The following ZC3H6 variants were observed in gnomAD, a reference collection of about 807,000 sequenced individuals.
The protein encoded by ZC3H6 is zinc finger CCCH domain-containing protein 6.
ZC3H6 carries 40 observed loss-of-function variants against 107.7 expected under a neutral mutation model. The observed-to-expected ratio is 0.37, with a 90% CI of 0.29 to 0.48. The LOEUF (loss-of-function observed/expected upper bound fraction) is 0.48. Among genes scored for constraint, ZC3H6 ranks in the 20% least tolerant of loss-of-function variants. The pLI is 0.98. For synonymous variants in ZC3H6, 493 were observed against 487.9 expected (o/e 1.01, Z -0.14); for missense variants, 1,267 against 1,410.4 (o/e 0.90, Z 1.63).
At chr2:112,282,207 A>G (rs1290397980) in intron 1 of ZC3H6, among the ~76,000 whole-genome samples, 1 of 152,196 alleles carries the variant, frequency 6.6e-6, no homozygotes, top group Non-Finnish European at 1.5e-5. Flanking sequence ...GGCTACCAAA[A>G]AGAACCTCAC....
intron 1 of ZC3H6, among the ~76,000 whole-genome samples, chr2:112,297,075 T>C (rs961066480): frequency 6.6e-6 from 1 of 152,182 alleles, no homozygotes; most frequent in African/African-American, 2.4e-5. Flanking sequence ...TTTTAAGGCT[T>C]GTAGACTTGA....
rs1034340205 is a variant in ZC3H6 at position 112,332,750 on chromosome 2, A to T, written c.*262A>T. 6 of 266,906 alleles carry T rather than the reference A, an allele frequency of 2.2e-5. No homozygotes were observed. Among genetic ancestry groups the T allele is most frequent in the African/African-American group, 1.3e-4 (6 of 44,940 alleles). The allele number at this position is 266,906 out of a possible 1,614,324, so 16.5% of individuals were successfully genotyped here. On this transcript the variant is annotated 3_prime_UTR_variant, in exon 12 of 12. Coordinates refer to ENST00000409871, the MANE Select transcript of ZC3H6 (RefSeq NM_198581.3). Reference sequence around the variant, plus strand: ...GTACTTTTATTGTAAATAAACAATCATGAACTCAACACTCTGCCTGAATAT... The same window carrying T: ...GTACTTTTATTGTAAATAAACAATCTTGAACTCAACACTCTGCCTGAATAT...
intron 1 of ZC3H6, among the ~76,000 whole-genome samples, chr2:112,295,490 T>G (rs758271241): frequency 1.3e-5 from 2 of 152,134 alleles, no homozygotes; most frequent in Non-Finnish European, 2.9e-5. Context: ...AGGTGTTCAA[T>G]TAAGAAAGCT....
Position 112,333,993 on chromosome 2 carries a change from G to A in ZC3H6, c.*1505G>A, listed in dbSNP as rs1273950946. The stretch of plus-strand genomic sequence containing the variant: ...TTGCTGCAGTTCTGTGCTAAAATGG[G>A]GTTGTGGTTAAGTGAACGAGAACTC... On this transcript the variant is annotated 3_prime_UTR_variant, in exon 12 of 12. Transcript: ENST00000409871. 1 of 152,010 alleles carries A rather than the reference G, an allele frequency of 6.6e-6. No individual in the cohort carries two copies. Among genetic ancestry groups the A allele is most frequent in the Non-Finnish European group, 1.5e-5 (1 of 67,970 alleles). 9.4% of individuals were successfully genotyped at this position (152,010 alleles called of 1,614,324 possible).
rs748821035 is a variant in ZC3H6, at chr2:112,324,348, C to T, written c.1537C>T (p.Pro513Ser). ...TGCAGGACCTCCTGGTCTACCAGTGCCACAGAGCCCACCTTTACCACCTGG... is the reference window on the plus strand; with the variant it reads ...TGCAGGACCTCCTGGTCTACCAGTGTCACAGAGCCCACCTTTACCACCTGG... ...PCAGPPGLPV[P>S]QSPPLPPGPP... Residue 513 changes from proline to serine, a missense_variant, in exon 10 of 12, where the codon CCA (proline) becomes TCA (serine). Pro to Ser is a moderately conservative substitution (Grantham distance 74). Coordinates refer to ENST00000409871, the MANE Select transcript of ZC3H6 (RefSeq NM_198581.3). 6.2e-7 allele frequency: 1 copy of T among 1,613,976 alleles called. No homozygotes were observed.
intron 1 of ZC3H6, among the ~76,000 whole-genome samples, chr2:112,299,613 A>C (rs1403871034): frequency 6.6e-6 from 1 of 152,216 alleles, no homozygotes; most frequent in African/African-American, 2.4e-5. Context: ...TCGGCTGCTG[A>C]TAATGGTTCT....
At chr2:112,316,221 T>C (rs1420033860) in intron 5 of ZC3H6, among the ~76,000 whole-genome samples, 6 of 151,766 alleles carry the variant, frequency 4.0e-5, no homozygotes, top group Non-Finnish European at 8.8e-5. Context: ...AAACTTTTTA[T>C]AATTTTATTT....
At chr2:112,298,996 G>A (rs568268650) in intron 1 of ZC3H6, among the ~76,000 whole-genome samples, 17 of 152,160 alleles carry the variant, frequency 1.1e-4, no homozygotes, top group South Asian at 2.1e-4. Flanking sequence ...TAATTTGGCC[G>A]GGTGTGGTGG....
Position 112,332,017 on chromosome 2 carries a change from C to T in ZC3H6, c.3099C>T (p.Gly1033=). 6.2e-7 allele frequency: 1 copy of T among 1,614,012 alleles called. No homozygotes were observed. The highest frequency in any genetic ancestry group is 8.5e-7 in the Non-Finnish European group (1 of 1,179,892). ...PYAPKLSSSA[G]LPLGTSTSVL... ...CCCCTAAACTCTCTTCCTCAGCTGG[C>T]CTTCCACTGGGAACTTCCACTTCAG... The change falls in exon 12 of 12, where the codon GGC becomes GGT. Residue 1033 remains glycine (G), a synonymous_variant. Coordinates refer to ENST00000409871, the MANE Select transcript of ZC3H6 (RefSeq NM_198581.3).
chr2:112,278,339 A>G (rs1686465998), intron 1 of ZC3H6, among the ~76,000 whole-genome samples: 1 of 152,186 alleles, frequency 6.6e-6, no homozygotes, highest in Admixed American at 6.5e-5. Flanking sequence ...TTTTTTTGAG[A>G]CGGAGTCTCG....
In ZC3H6 at chr2:112,300,633, T is replaced by C. The variant is rs188278224; in HGVS notation, c.213+604T>C. On this transcript the variant is annotated intron_variant, in intron 2 of 11. Coordinates refer to ENST00000409871, the MANE Select transcript of ZC3H6 (RefSeq NM_198581.3). ...CAGATACAGATTAGCAGCATTGGCA[T>C]TGTCCATCTATTTATTATTCATTTA... 4.5e-4 allele frequency among the ~76,000 whole-genome samples: 69 copies of C among 152,356 alleles called. No homozygotes were observed. In the East Asian group the frequency reaches 6.2e-3, roughly 14 times the overall value.
Position 112,332,015 on chromosome 2 carries a change from G to A in ZC3H6, c.3097G>A (p.Gly1033Ser). The change falls in exon 12 of 12, where the codon GGC becomes AGC. Residue 1033 changes from glycine (G) to serine (S), a missense_variant. Gly to Ser is a moderately conservative substitution (Grantham distance 56). Around this residue, in one of 3 missense-constraint regions of ZC3H6, gnomAD observed 925 missense variants for 1,025.7 expected, o/e 0.90. Transcript: ENST00000409871. Reference sequence around the variant, plus strand: ...TGCCCCTAAACTCTCTTCCTCAGCTGGCCTTCCACTGGGAACTTCCACTTC... The same window carrying A: ...TGCCCCTAAACTCTCTTCCTCAGCTAGCCTTCCACTGGGAACTTCCACTTC... Reference protein sequence around the residue: ...PYAPKLSSSAGLPLGTSTSVL... With the variant: ...PYAPKLSSSASLPLGTSTSVL... 2 of 1,613,996 alleles carry A rather than the reference G, an allele frequency of 1.2e-6. No individual in the cohort carries two copies. Among genetic ancestry groups the A allele is most frequent in the Non-Finnish European group, 1.7e-6 (2 of 1,179,898 alleles).
At chr2:112,290,765 C>A (rs1030263233) in intron 1 of ZC3H6, among the ~76,000 whole-genome samples, 9 of 152,098 alleles carry the variant, frequency 5.9e-5, no homozygotes. Flanking sequence ...GAATGTCAGA[C>A]AATTGTGTAC....
rs1676884327 is a variant in ZC3H6, at chr2:112,325,163, C to T, written c.2052C>T (p.Ser684=). Residue 684 remains serine (S), a synonymous_variant, in exon 11 of 12, where the codon AGC becomes AGT. Coordinates refer to ENST00000409871, the MANE Select transcript of ZC3H6 (RefSeq NM_198581.3). Reference sequence around the variant, plus strand: ...ACCAAGAAGATGAAGAACAAACCAGCACCCAACCTCATAGGGCACCAAGCA... The same window carrying T: ...ACCAAGAAGATGAAGAACAAACCAGTACCCAACCTCATAGGGCACCAAGCA... The part of the protein sequence containing the change: ...QRYQEDEEQT[S]TQPHRAPSKE... 6.2e-7 allele frequency: 1 copy of T among 1,614,014 alleles called. No individual in the cohort carries two copies.
intron 1 of ZC3H6, among the ~76,000 whole-genome samples, chr2:112,293,852 G>C (rs1280495926): frequency 6.6e-6 from 1 of 152,192 alleles, no homozygotes; most frequent in Non-Finnish European, 1.5e-5. Flanking sequence ...CATAGTGTCA[G>C]CTCCTCATGT....
In ZC3H6 at chr2:112,275,721, G is replaced by A. The variant is rs934875490; in HGVS notation, c.-274G>A. ...CGCCCGCTCCCACGCCACAGCCACC[G>A]GCGGCGAATAGAGACTAGAGCGGCA... On this transcript the variant is annotated 5_prime_UTR_variant, in exon 1 of 12. Coordinates refer to ENST00000409871, the MANE Select transcript of ZC3H6 (RefSeq NM_198581.3). The A allele has an allele frequency of 1.5e-5, 6 of 413,122 alleles. No homozygotes were observed. Among genetic ancestry groups the A allele is most frequent in the South Asian group, 7.6e-5 (1 of 13,118 alleles). 25.6% of individuals were successfully genotyped at this position (413,122 alleles called of 1,614,324 possible).
At position 112,331,826 on chromosome 2, in the gene ZC3H6, G is replaced by T; in HGVS notation, c.2908G>T (p.Asp970Tyr). The T allele has an allele frequency of 6.2e-7, 1 of 1,613,712 alleles. No homozygotes were observed. Among genetic ancestry groups the T allele is most frequent in the Non-Finnish European group, 8.5e-7 (1 of 1,179,870 alleles). ...LGDPRLQKNF[D>Y]PRLHRLPNTE... The stretch of plus-strand genomic sequence containing the variant: ...AGATCCTAGACTACAAAAAAATTTT[G>T]ATCCTAGGCTTCACAGACTGCCCAA... The change falls in exon 12 of 12, where the codon GAT becomes TAT. Residue 970 changes from aspartate to tyrosine, a missense_variant. Coordinates refer to ENST00000409871, the MANE Select transcript of ZC3H6 (RefSeq NM_198581.3).
At chr2:112,291,959 C>A (rs1676129813) in intron 1 of ZC3H6, among the ~76,000 whole-genome samples, 1 of 152,210 alleles carries the variant, frequency 6.6e-6, no homozygotes, top group Non-Finnish European at 1.5e-5. Context: ...CTGAAGCGAT[C>A]TGCCTGCCTT....
In ZC3H6 at chr2:112,331,532, A is replaced by G. The variant is rs771977168; in HGVS notation, c.2614A>G (p.Asn872Asp). The G allele has an allele frequency of 6.2e-7, 1 of 1,613,972 alleles. No individual in the cohort carries two copies. The change falls in exon 12 of 12, where the codon AAC becomes GAC. Residue 872 changes from asparagine to aspartate, a missense_variant. Physicochemically the swap from Asn to Asp is conservative, Grantham distance 23. This residue lies in a region of ZC3H6 where 925 missense variants were observed against 1,025.7 expected (regional missense o/e 0.90). Coordinates refer to ENST00000409871, the MANE Select transcript of ZC3H6 (RefSeq NM_198581.3). ...IKMDITLTKPNFAKHIVWAPE... is the reference protein window; with the variant it reads ...IKMDITLTKPDFAKHIVWAPE... ...AATGGACATTACTCTAACCAAACCC[A>G]ACTTTGCAAAACACATCGTGTGGGC...
Sources: gnomAD v4.1 joint callset for allele counts (sites outside exome capture counted in the v4.1 genomes callset) on GRCh38, gnomAD v4.1.1 for gene constraint, gnomAD v4.1.1 regional missense constraint, MANE v1.5 for transcripts, NCBI Gene and HGNC (gene_info 2026-07-23, HGNC 2026-07-21) for gene names.